Variants in TRABD2B observed in about 807,000 individuals in gnomAD.
TRABD2B encodes metalloprotease TIKI2.
A neutral mutation model predicts 40.1 loss-of-function variants in TRABD2B; 14 were observed. The ratio of observed to expected loss-of-function variants is 0.35; its 90% CI spans 0.23 to 0.55. The LOEUF is 0.55. Among genes scored for constraint, TRABD2B ranks in the 20% least tolerant of loss-of-function variants. The probability of loss-of-function intolerance (pLI) is 0.90; values close to 1 mark genes in which losing one functional copy is unlikely to be tolerated. For synonymous variants in TRABD2B, 263 were observed against 277.0 expected, an observed-to-expected ratio of 0.95 and a Z score of 0.50; for missense variants, 541 against 648.6, an observed-to-expected ratio of 0.83 and a Z score of 1.80.
intron 3 of TRABD2B, among the ~76,000 whole-genome samples, chr1:47,796,710 T>G (rs1228556604): frequency 6.6e-6 from 1 of 152,198 alleles, no homozygotes; most frequent in Admixed American, 6.5e-5. Context: ...CCTTGTGCAG[T>G]GCGCAACCTG....
chr1:47,786,404 C>T (rs1283050935), intron 4 of TRABD2B, among the ~76,000 whole-genome samples: 1 of 152,212 alleles, frequency 6.6e-6, no homozygotes, highest in Admixed American at 6.5e-5. Flanking sequence ...CTTCTAGACT[C>T]TCCTCTGTTT....
chr1:47,797,932 C>G (rs921120171), intron 3 of TRABD2B, among the ~76,000 whole-genome samples: 1 of 152,130 alleles, frequency 6.6e-6, no homozygotes, highest in Admixed American at 6.5e-5. Context: ...TTCCCTGACC[C>G]ATGAACCATG....
At chr1:47,990,768 G>C (rs1369722784) in intron 2 of TRABD2B, among the ~76,000 whole-genome samples, 1 of 44,938 alleles carries the variant, frequency 2.2e-5, no homozygotes, top group Non-Finnish European at 3.8e-5. Context: ...TAAAACGTTG[G>C]TTTTATATAT....
chr1:47,964,818 CAG>C (rs1355296111), intron 2 of TRABD2B, among the ~76,000 whole-genome samples: 1 of 151,886 alleles, frequency 6.6e-6, no homozygotes, highest in Non-Finnish European at 1.5e-5. Context: ...AGTGGAAGCC[CAG>C]AGAGAGGAAA....
intron 2 of TRABD2B, among the ~76,000 whole-genome samples, chr1:47,812,442 C>T (rs560059112): frequency 6.6e-5 from 10 of 152,136 alleles, no homozygotes; most frequent in South Asian, 2.1e-4. Context: ...AAGTGTTCAC[C>T]GCAGGCTGTG....
intron 2 of TRABD2B, among the ~76,000 whole-genome samples, chr1:47,948,199 G>C (rs1191348195): frequency 6.6e-6 from 1 of 152,192 alleles, no homozygotes; most frequent in Non-Finnish European, 1.5e-5. Flanking sequence ...GGGATAGAGA[G>C]ACTTGGGCAT....
intron 6 of TRABD2B, among the ~76,000 whole-genome samples, chr1:47,769,031 C>T (rs1363005480): frequency 1.3e-5 from 2 of 152,210 alleles, no homozygotes; most frequent in African/African-American, 4.8e-5. Context: ...CGGCTGAGAT[C>T]TCTCAAACCC....
intron 2 of TRABD2B, among the ~76,000 whole-genome samples, chr1:47,835,068 G>A (rs967295203): frequency 7.2e-5 from 11 of 152,056 alleles, no homozygotes; most frequent in African/African-American, 2.4e-4. Flanking sequence ...ATCACATATA[G>A]AATAGTAATA....
chr1:47,780,590 G>A (rs1644507668), intron 4 of TRABD2B, among the ~76,000 whole-genome samples: 1 of 152,166 alleles, frequency 6.6e-6, no homozygotes, highest in Non-Finnish European at 1.5e-5. Flanking sequence ...GCACACAGGA[G>A]GCCTCTAAGC....
chr1:47,929,026 G>A (rs144265072), intron 2 of TRABD2B, among the ~76,000 whole-genome samples: 153 of 152,334 alleles, frequency 1.0e-3, no homozygotes, highest in African/African-American at 3.4e-3. Flanking sequence ...GATGCTTCTT[G>A]CCTCAAGGCC....
intron 2 of TRABD2B, chr1:47,819,243 C>T (rs2124398140): frequency 6.6e-6 from 1 of 152,274 alleles, no homozygotes; most frequent in East Asian, 1.9e-4. Flanking sequence ...GCACTTTTCC[C>T]TCCAGTCGCT....
chr1:47,923,190 C>T (rs997610481), intron 2 of TRABD2B, among the ~76,000 whole-genome samples: 4 of 152,246 alleles, frequency 2.6e-5, no homozygotes, highest in Admixed American at 1.3e-4. Flanking sequence ...GAGCCCCCTC[C>T]GGCCTTGGTC....
At chr1:47,959,061 C>T (rs1645469134) in intron 2 of TRABD2B, among the ~76,000 whole-genome samples, 1 of 152,182 alleles carries the variant, frequency 6.6e-6, no homozygotes, top group Non-Finnish European at 1.5e-5. Flanking sequence ...AAAAAACTCA[C>T]TCAAAACTGC....
At chr1:47,956,406 G>A (rs1645423109) in intron 2 of TRABD2B, among the ~76,000 whole-genome samples, 1 of 152,184 alleles carries the variant, frequency 6.6e-6, no homozygotes, top group Non-Finnish European at 1.5e-5. Flanking sequence ...GCAGGGCGGG[G>A]CATCGCCTCA....
intron 2 of TRABD2B, among the ~76,000 whole-genome samples, chr1:47,957,246 A>G (rs1645437857): frequency 6.6e-6 from 1 of 152,236 alleles, no homozygotes; most frequent in Non-Finnish European, 1.5e-5. Context: ...AAAATCACAA[A>G]GATGGGGAGA....
At chr1:47,812,162 C>T (rs968671610) in intron 2 of TRABD2B, among the ~76,000 whole-genome samples, 1 of 152,168 alleles carries the variant, frequency 6.6e-6, no homozygotes, top group African/African-American at 2.4e-5. Flanking sequence ...ATTTCATAAA[C>T]CGAACACACT....
At chr1:47,969,828 C>T (rs1645655400) in intron 2 of TRABD2B, among the ~76,000 whole-genome samples, 1 of 152,122 alleles carries the variant, frequency 6.6e-6, no homozygotes, top group Non-Finnish European at 1.5e-5. Context: ...CCAGGTGAAG[C>T]CAGCAAGGTG....
chr1:47,797,476 C>T (rs1208415598), intron 3 of TRABD2B, among the ~76,000 whole-genome samples: 3 of 152,180 alleles, frequency 2.0e-5, no homozygotes, highest in African/African-American at 2.4e-5. Flanking sequence ...AACCTGAACA[C>T]GGGTCCAGCC....
intron 2 of TRABD2B, among the ~76,000 whole-genome samples, chr1:47,851,774 C>T (rs530318076): frequency 6.6e-6 from 1 of 152,338 alleles, no homozygotes; most frequent in South Asian, 2.1e-4. Flanking sequence ...GAGCAAATCG[C>T]ACCACATGCA....
Sources: allele counts gnomAD v4.1 joint callset (sites outside exome capture counted in the v4.1 genomes callset), GRCh38; gene constraint gnomAD v4.1.1; transcripts MANE v1.5; gene names NCBI Gene and HGNC (gene_info 2026-07-23, HGNC 2026-07-21).